The following RCAN2 variants were observed in gnomAD, a reference collection of about 807,000 sequenced individuals.
The protein encoded by RCAN2 is calcipressin-2.
RCAN2 carries 9 observed loss-of-function variants against 23.6 expected under a neutral mutation model. The observed-to-expected ratio is 0.38, with a 90% CI of 0.23 to 0.67. RCAN2 has a LOEUF of 0.67. Among genes scored for constraint, RCAN2 ranks in the 30% least tolerant of loss-of-function variants. The probability of loss-of-function intolerance (pLI) is 0.51; values close to 1 mark genes in which losing one functional copy is unlikely to be tolerated. For synonymous variants in RCAN2, 109 were observed against 115.7 expected, an observed-to-expected ratio of 0.94 and a Z score of 0.37; for missense variants, 273 against 302.3, an observed-to-expected ratio of 0.90 and a Z score of 0.72.
intron 2 of RCAN2, among the ~76,000 whole-genome samples, chr6:46,418,497 A>C (rs2150411016): frequency 6.6e-6 from 1 of 151,720 alleles, no homozygotes; most frequent in East Asian, 1.9e-4. Context: ...CCCTTTAATG[A>C]CTACGTGGAT....
chr6:46,470,517 T>A (rs956400461), intron 1 of RCAN2, among the ~76,000 whole-genome samples: 7 of 152,224 alleles, frequency 4.6e-5, no homozygotes, highest in African/African-American at 1.7e-4. Flanking sequence ...GAGGAACTAT[T>A]GCCATTTGTC....
intron 4 of RCAN2, among the ~76,000 whole-genome samples, chr6:46,225,904 T>C (rs1765648008): frequency 6.6e-6 from 1 of 152,218 alleles, no homozygotes; most frequent in Admixed American, 6.5e-5. Context: ...TCTTCTAGGG[T>C]TTTTATGGTT....
At chr6:46,312,153 C>T (rs894594222) in intron 2 of RCAN2, among the ~76,000 whole-genome samples, 1 of 152,140 alleles carries the variant, frequency 6.6e-6, no homozygotes, top group Admixed American at 6.5e-5. Context: ...GGTTACATGC[C>T]ATGCTAAGGC....
chr6:46,444,248 C>T (rs1276124886), intron 2 of RCAN2, among the ~76,000 whole-genome samples: 2 of 152,126 alleles, frequency 1.3e-5, no homozygotes, highest in African/African-American at 4.8e-5. Context: ...GGCTAGGAGG[C>T]TCTCCTATAG....
At chr6:46,490,089 A>C (rs1769098247) in intron 1 of RCAN2, among the ~76,000 whole-genome samples, 1 of 152,144 alleles carries the variant, frequency 6.6e-6, no homozygotes, top group African/African-American at 2.4e-5. Flanking sequence ...CTTCGTTTTG[A>C]AGTGATGTAA....
intron 4 of RCAN2, among the ~76,000 whole-genome samples, chr6:46,242,702 T>C (rs1462320202): frequency 1.3e-5 from 2 of 152,218 alleles, no homozygotes; most frequent in African/African-American, 2.4e-5. Flanking sequence ...GGATTAAAAC[T>C]AAATTTTACT....
chr6:46,349,968 C>T (rs1764595584), intron 2 of RCAN2, among the ~76,000 whole-genome samples: 1 of 152,202 alleles, frequency 6.6e-6, no homozygotes, highest in African/African-American at 2.4e-5. Context: ...TCTTTAAAAA[C>T]CTACCTCATC....
intron 2 of RCAN2, among the ~76,000 whole-genome samples, chr6:46,363,612 C>A (rs1360236188): frequency 7.2e-5 from 11 of 152,052 alleles, no homozygotes. Flanking sequence ...ATGAAAGCAT[C>A]TAGGAGCTCA....
intron 2 of RCAN2, among the ~76,000 whole-genome samples, chr6:46,455,720 G>T (rs890246013): frequency 6.6e-6 from 1 of 151,824 alleles, no homozygotes; most frequent in African/African-American, 2.4e-5. Context: ...GCTGGGCGTG[G>T]TGATGGGCGC....
At chr6:46,326,581 A>G (rs1489283542) in intron 2 of RCAN2, among the ~76,000 whole-genome samples, 2 of 152,272 alleles carry the variant, frequency 1.3e-5, no homozygotes, top group African/African-American at 4.8e-5. Flanking sequence ...TCAAACAGGA[A>G]TAGCCTCCTT....
intron 1 of RCAN2, among the ~76,000 whole-genome samples, chr6:46,460,004 T>C (rs975403623): frequency 6.6e-6 from 1 of 152,040 alleles, no homozygotes; most frequent in Non-Finnish European, 1.5e-5. Context: ...TAAAGAAGTA[T>C]AAAGGTCCCA....
chr6:46,303,644 T>C (rs1762979358), intron 2 of RCAN2, among the ~76,000 whole-genome samples: 1 of 152,104 alleles, frequency 6.6e-6, no homozygotes, highest in African/African-American at 2.4e-5. Flanking sequence ...CCTCTTCCAG[T>C]CAATAACCAC....
At chr6:46,293,277 A>G (rs777293106) in intron 2 of RCAN2, among the ~76,000 whole-genome samples, 1 of 152,232 alleles carries the variant, frequency 6.6e-6, no homozygotes. Context: ...TTTCCTTGGA[A>G]TTAAGCTGAA....
chr6:46,316,741 T>C (rs929069116), intron 2 of RCAN2, among the ~76,000 whole-genome samples: 2 of 152,248 alleles, frequency 1.3e-5, no homozygotes, highest in Non-Finnish European at 2.9e-5. Flanking sequence ...GTTGCTATTA[T>C]TAAGTTTGCT....
chr6:46,356,778 A>G (rs948810267), intron 2 of RCAN2, among the ~76,000 whole-genome samples: 1 of 152,196 alleles, frequency 6.6e-6, no homozygotes, highest in African/African-American at 2.4e-5. Context: ...CCTGTATGCA[A>G]TGAACACTTA....
intron 2 of RCAN2, among the ~76,000 whole-genome samples, chr6:46,404,694 G>A (rs955304715): frequency 2.0e-5 from 3 of 152,112 alleles, no homozygotes; most frequent in Non-Finnish European, 2.9e-5. Flanking sequence ...GATGCTAAAT[G>A]TTACTAAGAC....
intron 2 of RCAN2, among the ~76,000 whole-genome samples, chr6:46,363,573 A>G (rs530496297): frequency 5.9e-5 from 9 of 152,270 alleles, no homozygotes; most frequent in Non-Finnish European, 1.0e-4. Flanking sequence ...CATGACTTAT[A>G]ATTTATTATT....
At position 46,393,035 on chromosome 6, in the gene RCAN2, G is replaced by A. The variant is rs145431806; in HGVS notation, c.225+63717C>T. 8.3e-4 allele frequency among the ~76,000 whole-genome samples: 126 copies of A among 152,208 alleles called. 1 individual carries two copies. In the East Asian group the frequency reaches 0.023, roughly 28 times the overall value. ...TGACATCAGAATAAAATGTTCCTTG[G>A]GTTAAGTGAATTTGGTTATATAAAA... On this transcript the variant is annotated intron_variant, in intron 2 of 4. Transcript: ENST00000371374.
chr6:46,401,315 C>T (rs889732317), intron 2 of RCAN2, among the ~76,000 whole-genome samples: 4 of 152,192 alleles, frequency 2.6e-5, no homozygotes, highest in Non-Finnish European at 4.4e-5. Flanking sequence ...TTCTGCCTTG[C>T]TTTAGGGACT....
Sources: gnomAD v4.1 joint callset for allele counts (sites outside exome capture counted in the v4.1 genomes callset) on GRCh38, gnomAD v4.1.1 for gene constraint, MANE v1.5 for transcripts, NCBI Gene and HGNC (gene_info 2026-07-23, HGNC 2026-07-21) for gene names.